Variants in SGCZ observed in about 807,000 individuals in gnomAD.
SGCZ encodes sarcoglycan zeta.
Under a neutral mutation model 41.3 loss-of-function variants are expected in SGCZ, and 40 were observed. The ratio of observed to expected loss-of-function variants is 0.97; its 90% CI spans 0.75 to 1.26. SGCZ has a LOEUF of 1.26. Among genes scored for constraint, SGCZ ranks in the 50% most tolerant of loss-of-function variants. The pLI is 0.00. For synonymous variants in SGCZ, 206 were observed against 137.5 expected, an observed-to-expected ratio of 1.50 and a Z score of -3.49; for missense variants, 552 against 369.8, an observed-to-expected ratio of 1.49 and a Z score of -4.04.
intron 2 of SGCZ, among the ~76,000 whole-genome samples, chr8:14,379,376 T>A (rs1479863424): frequency 6.6e-6 from 1 of 152,150 alleles, no homozygotes; most frequent in Non-Finnish European, 1.5e-5. Flanking sequence ...AAACCCCATT[T>A]ACAATTGCAG....
At chr8:14,815,273 A>G (rs1331713765) in intron 1 of SGCZ, among the ~76,000 whole-genome samples, 1 of 151,974 alleles carries the variant, frequency 6.6e-6, no homozygotes, top group Non-Finnish European at 1.5e-5. Flanking sequence ...AGAAGCAAAT[A>G]AAAAATAGAA....
At chr8:14,487,256 T>G (rs913178141) in intron 2 of SGCZ, among the ~76,000 whole-genome samples, 1 of 152,222 alleles carries the variant, frequency 6.6e-6, no homozygotes, top group African/African-American at 2.4e-5. Context: ...CGCTTTATTT[T>G]TATTGGTACT....
At chr8:14,702,869 A>C (rs1325937143) in intron 1 of SGCZ, among the ~76,000 whole-genome samples, 1 of 148,994 alleles carries the variant, frequency 6.7e-6, no homozygotes, top group African/African-American at 2.5e-5. Flanking sequence ...AGATAGATAG[A>C]TAGATAGATA....
intron 3 of SGCZ, among the ~76,000 whole-genome samples, chr8:14,285,342 G>C (rs1345752659): frequency 6.6e-6 from 1 of 152,076 alleles, no homozygotes; most frequent in Admixed American, 6.5e-5. Context: ...TTTCCTCCTT[G>C]TATTGAAATA....
chr8:14,640,284 G>A (rs546600971), intron 1 of SGCZ, among the ~76,000 whole-genome samples: 141 of 151,590 alleles, frequency 9.3e-4, no homozygotes, highest in African/African-American at 3.4e-3. Flanking sequence ...TCGTATCTTT[G>A]CCTTTGTTCT....
chr8:14,986,302 C>A (rs979002814), intron 1 of SGCZ, among the ~76,000 whole-genome samples: 2 of 151,988 alleles, frequency 1.3e-5, no homozygotes, highest in Admixed American at 6.6e-5. Context: ...TGGTAATTAC[C>A]ACTAAGGTTC....
intron 2 of SGCZ, among the ~76,000 whole-genome samples, chr8:14,417,613 T>A (rs1245043673): frequency 6.6e-6 from 1 of 151,848 alleles, no homozygotes; most frequent in African/African-American, 2.4e-5. Flanking sequence ...GAAGTAATAT[T>A]TACAATATTT....
intron 1 of SGCZ, among the ~76,000 whole-genome samples, chr8:14,957,932 A>C (rs554200258): frequency 7.2e-5 from 11 of 152,180 alleles, no homozygotes; most frequent in Admixed American, 2.6e-4. Context: ...AATACTTCTT[A>C]TGTGCAACAC....
intron 2 of SGCZ, among the ~76,000 whole-genome samples, chr8:14,386,536 TCAAA>T (rs776435877): frequency 4.7e-4 from 71 of 152,288 alleles, no homozygotes; most frequent in Admixed American, 8.5e-4. Flanking sequence ...TCTCTAATCA[TCAAA>T]CAGTTTTTAG....
At chr8:15,024,380 T>C (rs993146246) in intron 1 of SGCZ, among the ~76,000 whole-genome samples, 9 of 152,194 alleles carry the variant, frequency 5.9e-5, no homozygotes, top group African/African-American at 2.2e-4. Flanking sequence ...TAAATTTTTA[T>C]TCTGCAAATA....
rs1198261212 is a variant in SGCZ at position 15,167,398 on chromosome 8, G to C, written c.39+70187C>G. The stretch of plus-strand genomic sequence containing the variant: ...GGGTTCTTGACCTGTGGTCAGTAAA[G>C]ACTGTCACTTTCTAACAGGTCTAGG... On this transcript the variant is annotated intron_variant, in intron 1 of 7. Coordinates refer to ENST00000382080, the MANE Select transcript of SGCZ (RefSeq NM_139167.4). Among the ~76,000 whole-genome samples the C allele has an allele frequency of 2.6e-5, 4 of 152,232 alleles. No homozygotes were observed. The East Asian group carries it at 5.8e-4, about 22-fold the overall frequency.
At chr8:14,621,086 A>G (rs1585131353) in intron 1 of SGCZ, among the ~76,000 whole-genome samples, 2 of 152,126 alleles carry the variant, frequency 1.3e-5, no homozygotes, top group Admixed American at 1.3e-4. Context: ...TGGCACATAT[A>G]CACCATGGAA....
intron 1 of SGCZ, among the ~76,000 whole-genome samples, chr8:15,002,387 T>C (rs1802458411): frequency 2.0e-5 from 3 of 152,140 alleles, no homozygotes; most frequent in Admixed American, 2.0e-4. Context: ...ATAGTAAGAA[T>C]TTAATCATAT....
intron 1 of SGCZ, among the ~76,000 whole-genome samples, chr8:14,695,181 TA>T (rs1251840192): frequency 4.6e-5 from 7 of 152,054 alleles, no homozygotes; most frequent in African/African-American, 1.7e-4. Context: ...AGCAAATAAC[TA>T]GAAATATTTT....
chr8:15,161,200 C>A (rs1799503069), intron 1 of SGCZ, among the ~76,000 whole-genome samples: 1 of 152,098 alleles, frequency 6.6e-6, no homozygotes, highest in South Asian at 2.1e-4. Context: ...AATATACCCA[C>A]CTACTCCAAC....
intron 4 of SGCZ, among the ~76,000 whole-genome samples, chr8:14,202,295 G>T (rs151189933): frequency 5.4e-4 from 82 of 152,260 alleles, no homozygotes; most frequent in African/African-American, 1.9e-3. Context: ...AAAAAAGTTT[G>T]TCCTCCACAA....
intron 1 of SGCZ, among the ~76,000 whole-genome samples, chr8:15,102,129 T>C (rs552747815): frequency 2.5e-4 from 38 of 152,294 alleles, no homozygotes; most frequent in African/African-American, 8.7e-4. Flanking sequence ...AGCAGCTTTA[T>C]TCATAATTGC....
chr8:14,435,749 CAT>C (rs2117351335), intron 2 of SGCZ, among the ~76,000 whole-genome samples: 1 of 152,300 alleles, frequency 6.6e-6, no homozygotes, highest in South Asian at 2.1e-4. Flanking sequence ...ATGAAATACA[CAT>C]ATGACTAAAC....
At chr8:14,644,283 A>G (rs989547166) in intron 1 of SGCZ, among the ~76,000 whole-genome samples, 1 of 151,684 alleles carries the variant, frequency 6.6e-6, no homozygotes, top group African/African-American at 2.4e-5. Flanking sequence ...GAGCTTGTAC[A>G]ATCAGTTGAA....
Sources: allele counts gnomAD v4.1 joint callset (sites outside exome capture counted in the v4.1 genomes callset), GRCh38; gene constraint gnomAD v4.1.1; transcripts MANE v1.5; gene names NCBI Gene and HGNC (gene_info 2026-07-23, HGNC 2026-07-21).